The following EPHA4 variants were observed in gnomAD, a reference collection of about 807,000 sequenced individuals.
EPHA4 encodes EPH receptor A4.
Under a neutral mutation model 108.3 loss-of-function variants are expected in EPHA4, and 19 were observed. The ratio of observed to expected loss-of-function variants is 0.18; its 90% CI spans 0.12 to 0.26. EPHA4 has a LOEUF of 0.26. EPHA4 is among the 10% of genes least tolerant of loss of function. EPHA4 has a pLI of 1.00. For missense variants in EPHA4, 917 were observed against 1,254.0 expected (o/e 0.73, Z 4.06); for synonymous variants, 449 against 455.5 (o/e 0.99, Z 0.18).
intron 3 of EPHA4, among the ~76,000 whole-genome samples, chr2:221,525,274 T>C (rs995669841): frequency 3.3e-5 from 5 of 152,208 alleles, no homozygotes; most frequent in Non-Finnish European, 4.4e-5. Flanking sequence ...TTTAGGCAGA[T>C]GAAAACAGGC....
intron 5 of EPHA4, among the ~76,000 whole-genome samples, chr2:221,461,441 T>G (rs936867294): frequency 2.5e-5 from 3 of 120,206 alleles, no homozygotes; most frequent in African/African-American, 8.0e-5. Context: ...CTCTGACCAA[T>G]CAATGCCTAA....
chr2:221,422,586 AC>A (rs1689789554), intron 17 of EPHA4, among the ~76,000 whole-genome samples: 1 of 152,182 alleles, frequency 6.6e-6, no homozygotes, highest in Non-Finnish European at 1.5e-5. Flanking sequence ...GAATGTGAAG[AC>A]TTGTATCTAC....
At chr2:221,526,567 C>G (rs186105584) in intron 3 of EPHA4, among the ~76,000 whole-genome samples, 1 of 150,718 alleles carries the variant, frequency 6.6e-6, no homozygotes, top group African/African-American at 2.4e-5. Flanking sequence ...AAATTCATGG[C>G]TGGGTGCAGC....
At chr2:221,474,238 C>A (rs374283341) in intron 5 of EPHA4, among the ~76,000 whole-genome samples, 1 of 151,972 alleles carries the variant, frequency 6.6e-6, no homozygotes, top group Non-Finnish European at 1.5e-5. Context: ...GCACCCACCC[C>A]GAATACAAAT....
intron 8 of EPHA4, among the ~76,000 whole-genome samples, chr2:221,448,767 G>A (rs1690677828): frequency 6.6e-6 from 1 of 152,088 alleles, no homozygotes; most frequent in Admixed American, 6.6e-5. Context: ...ACACTGATTT[G>A]AATTTCTTTC....
At chr2:221,458,096 T>C in intron 5 of EPHA4, 106 bp from the exon 6 acceptor site, 1 of 1,401,260 alleles carries the variant, frequency 7.1e-7, no homozygotes, top group Non-Finnish European at 9.7e-7. Context: ...TGTGAAAGAT[T>C]GTCTTGTCTC....
At chr2:221,517,839 C>T (rs941026324) in intron 3 of EPHA4, among the ~76,000 whole-genome samples, 4 of 152,176 alleles carry the variant, frequency 2.6e-5, no homozygotes, top group Non-Finnish European at 5.9e-5. Context: ...GGCCCTGGGT[C>T]CTGACCACTT....
intron 4 of EPHA4, among the ~76,000 whole-genome samples, chr2:221,497,612 C>G (rs1692337461): frequency 6.6e-6 from 1 of 151,994 alleles, no homozygotes; most frequent in African/African-American, 2.4e-5. Flanking sequence ...GTGGTGGGCG[C>G]CTGTAGTCCC....
chr2:221,531,163 T>C (rs544750918), intron 3 of EPHA4, among the ~76,000 whole-genome samples: 60 of 152,286 alleles, frequency 3.9e-4, no homozygotes, highest in African/African-American at 1.4e-3. Flanking sequence ...ATGATTAGTA[T>C]TGAAACTGCA....
At chr2:221,467,087 C>A (rs560690944) in intron 5 of EPHA4, among the ~76,000 whole-genome samples, 1 of 152,226 alleles carries the variant, frequency 6.6e-6, no homozygotes, top group Admixed American at 6.5e-5. Context: ...ACTTTTGGTG[C>A]AGAATGAACT....
chr2:221,486,061 G>A (rs868153829), intron 4 of EPHA4, among the ~76,000 whole-genome samples: 2 of 152,266 alleles, frequency 1.3e-5, no homozygotes, highest in Middle Eastern at 3.4e-3. Flanking sequence ...TTCTGACAGA[G>A]TGATTGCCTT....
chr2:221,482,127 G>T (rs1042547479), intron 5 of EPHA4, among the ~76,000 whole-genome samples: 6 of 152,038 alleles, frequency 3.9e-5, no homozygotes, highest in Non-Finnish European at 8.8e-5. Context: ...GTCTGGTCTT[G>T]ATCAAACTCT....
intron 3 of EPHA4, among the ~76,000 whole-genome samples, chr2:221,506,635 G>A (rs572373910): frequency 8.5e-5 from 13 of 152,276 alleles, no homozygotes; most frequent in Admixed American, 7.2e-4. Flanking sequence ...ACAGCCAAAC[G>A]CTGGCAAATC....
At chr2:221,498,790 C>CTTTT (rs757231773) in intron 4 of EPHA4, among the ~76,000 whole-genome samples, 1 of 135,668 alleles carries the variant, frequency 7.4e-6, no homozygotes, top group South Asian at 2.4e-4. Context: ...TTTTTTTTTT[C>CTTTT]TTTTTTTTTT....
intron 3 of EPHA4, among the ~76,000 whole-genome samples, chr2:221,521,018 G>T (rs575991778): frequency 6.6e-6 from 1 of 152,060 alleles, no homozygotes; most frequent in Non-Finnish European, 1.5e-5. Flanking sequence ...CCCCTTTGAC[G>T]CTTTTTAGAA....
Position 221,455,640 on chromosome 2 carries a change from C to G in EPHA4, c.1622G>C (p.Gly541Ala), listed in dbSNP as rs1370326372. The G allele has an allele frequency of 1.2e-6, 2 of 1,613,710 alleles. No individual in the cohort carries two copies. Among genetic ancestry groups the G allele is most frequent in the Non-Finnish European group, 1.7e-6 (2 of 1,179,800 alleles). ...AAGGACTGTGGAGTTAGCCCCATCT[C>G]CAATGATCCGGGAAGGCACTGGGAA... ...TTNTVPSRII[G>A]DGANSTVLLV... The change falls in exon 8 of 18, where the codon GGA (glycine) becomes GCA (alanine). Residue 541 changes from glycine to alanine, a missense_variant. Gly to Ala is a moderately conservative substitution (Grantham distance 60). Transcript: ENST00000281821.
At position 221,484,301 on chromosome 2, in the gene EPHA4, A is replaced by G. The variant is rs948342226; in HGVS notation, c.980-1611T>C. On this transcript the variant is annotated intron_variant, in intron 4 of 17. Coordinates refer to ENST00000281821, the MANE Select transcript of EPHA4 (RefSeq NM_004438.5). ...AATGGCCAATTATTTTTTAGTGGTA[A>G]CATTTAATAAGGGTAATTCACTCTC... Among the ~76,000 whole-genome samples, 9 of 152,312 alleles carry G rather than the reference A, an allele frequency of 5.9e-5. No homozygotes were observed. In the South Asian group the frequency reaches 1.9e-3, roughly 32 times the overall value.
In EPHA4 at chr2:221,436,524, T is replaced by C. The variant is rs1176036722; in HGVS notation, c.2221A>G (p.Ser741Gly). 1 of 1,613,984 alleles carries C rather than the reference T, an allele frequency of 6.2e-7. No individual in the cohort carries two copies. The highest frequency in any genetic ancestry group is 8.5e-7 in the Non-Finnish European group (1 of 1,180,034). The change falls in exon 13 of 18, where the codon AGC becomes GGC. Residue 741 changes from serine to glycine, a missense_variant. Transcript: ENST00000281821. ...GSGMKYLSDM[S>G]YVHRDLAARN... ...GCGGCCAGATCACGATGCACATAGC[T>C]CATATCAGATAAATACTTCATCCCA...
chr2:221,564,648 G>T (rs73089682), intron 2 of EPHA4, among the ~76,000 whole-genome samples: 225 of 151,758 alleles, frequency 1.5e-3, no homozygotes, highest in African/African-American at 5.3e-3. Context: ...TTTACTGCTT[G>T]TGAGTTCTCG....
Sources: allele counts gnomAD v4.1 joint callset (sites outside exome capture counted in the v4.1 genomes callset), GRCh38; gene constraint gnomAD v4.1.1; transcripts MANE v1.5; gene names NCBI Gene and HGNC (gene_info 2026-07-23, HGNC 2026-07-21).